The following POLG variants were observed in gnomAD, a reference collection of about 807,000 sequenced individuals.
The protein encoded by POLG is DNA polymerase gamma, catalytic subunit.
POLG carries 110 observed loss-of-function variants against 155.4 expected under a neutral mutation model. The ratio of observed to expected loss-of-function variants is 0.71; its 90% CI spans 0.61 to 0.83. The LOEUF (loss-of-function observed/expected upper bound fraction) is 0.83, where lower values mean the gene tolerates loss of function less well. Ranked by LOEUF, POLG falls within the 40% of genes least tolerant of loss-of-function variation. The probability of loss-of-function intolerance (pLI) is 0.00; values close to 1 mark genes in which losing one functional copy is unlikely to be tolerated. For missense variants in POLG, 1,685 were observed against 1,627.5 expected (o/e 1.04, Z -0.61); for synonymous variants, 701 against 631.5 (o/e 1.11, Z -1.65).
chr15:89,333,858 C>A lies in POLG; in HGVS notation c.-104G>T. ...AGACGTGGAGAGAGACACGTCCTGT[C>A]TCTGCTCTCCTGTCAGTGAAATGGG... On this transcript the variant is annotated 5_prime_UTR_variant, in exon 2 of 23. Transcript: ENST00000268124. 1 of 1,337,520 alleles carries A rather than the reference C, an allele frequency of 7.5e-7. No individual in the cohort carries two copies. Among genetic ancestry groups the A allele is most frequent in the South Asian group, 1.3e-5 (1 of 78,994 alleles). The allele number at this position is 1,337,520 out of a possible 1,614,324, so 82.9% of individuals were successfully genotyped here.
chr15:89,332,983 G>A (rs2055614021), intron 2 of POLG, 113 bp downstream of exon 2: 8 of 1,377,700 alleles, frequency 5.8e-6, no homozygotes, highest in East Asian at 2.5e-5. Flanking sequence ...ACACATCAGC[G>A]CTCCCTACGT....
chr15:89,328,993 G>A lies in POLG; in HGVS notation c.973C>T (p.Pro325Ser), dbSNP rs2152068126. The A allele has an allele frequency of 6.2e-7, 1 of 1,613,718 alleles. No homozygotes were observed. The highest frequency in any genetic ancestry group is 8.5e-7 in the Non-Finnish European group (1 of 1,180,038). ...TGGGACTTCTGGCCTTGCTTTGTGG[G>A]GGGCTGGACCTTGTGTTTGCCCTGC... is the stretch of plus-strand genomic sequence containing the variant. Reference protein sequence around the residue: ...AKQGKHKVQPPTKQGQKSQRK... With the variant: ...AKQGKHKVQPSTKQGQKSQRK... Residue 325 changes from proline to serine, a missense_variant, in exon 4 of 23, where the codon CCC becomes TCC. Physicochemically the swap from Pro to Ser is moderately conservative, Grantham distance 74. Transcript: ENST00000268124.
At chr15:89,327,388 A>G (rs2055537216) in intron 6 of POLG, 39 bp from the exon 7 acceptor site, 1 of 1,596,850 alleles carries the variant, frequency 6.3e-7, no homozygotes, top group Admixed American at 1.7e-5. Flanking sequence ...AAATGACCAC[A>G]GGAGGCAAGA....
At chr15:89,322,165 G>T in intron 14 of POLG, 150 bp from the exon 15 acceptor site, 1 of 787,690 alleles carries the variant, frequency 1.3e-6, no homozygotes, top group Non-Finnish European at 2.2e-6. Flanking sequence ...CCCTGGCTCA[G>T]CCAAGAACTG....
chr15:89,324,893 A>G (rs1236744602), intron 10 of POLG, among the ~76,000 whole-genome samples: 1 of 152,178 alleles, frequency 6.6e-6, no homozygotes, highest in East Asian at 1.9e-4. Context: ...AGCCCTCCGC[A>G]TGTTCCTGTG....
Position 89,316,322 on chromosome 15 carries a change from T to C in POLG, c.*429A>G. The C allele has an allele frequency of 6.9e-7, 1 of 1,454,236 alleles. No homozygotes were observed. The highest frequency in any genetic ancestry group is 1.4e-5 in the African/African-American group (1 of 71,184). 90.1% of individuals were successfully genotyped at this position (1,454,236 alleles called of 1,614,324 possible). ...GGCTTTGATGAGAAGATAGAGTCTT[T>C]TTTTTCCTTCTTTTTATTTCCACTG... is the stretch of plus-strand genomic sequence containing the variant. On this transcript the variant is annotated 3_prime_UTR_variant, in exon 23 of 23. Coordinates refer to ENST00000268124, the MANE Select transcript of POLG (RefSeq NM_002693.3).
intron 21 of POLG, chr15:89,318,010 A>C (rs1211955464): frequency 2.0e-5 from 6 of 298,292 alleles, no homozygotes. Context: ...GGTAATATTT[A>C]ATTCATCCAT....
chr15:89,321,762 T>G lies in POLG; in HGVS notation c.2572A>C (p.Thr858Pro). 6.2e-7 allele frequency: 1 copy of G among 1,613,780 alleles called. No individual in the cohort carries two copies. The change falls in exon 16 of 23, where the codon ACA (threonine) becomes CCA (proline). Residue 858 changes from threonine to proline, a missense_variant. Physicochemically the swap from Thr to Pro is conservative, Grantham distance 38. Coordinates refer to ENST00000268124, the MANE Select transcript of POLG (RefSeq NM_002693.3). The part of the protein sequence containing the change: ...GTITRRAVEP[T>P]WLTASNARPD... The stretch of plus-strand genomic sequence containing the variant: ...CGGGCATTGCTGGCGGTGAGCCATG[T>G]GGGCTCCACAGCCCGGCGAGTGATG...
At position 89,325,565 on chromosome 15, in the gene POLG, G is replaced by C; in HGVS notation, c.1834C>G (p.Leu612Val). Residue 612 changes from leucine to valine, a missense_variant, in exon 10 of 23, where the codon CTG (leucine) becomes GTG (valine). By Grantham distance (32) the Leu-to-Val change is conservative. Coordinates refer to ENST00000268124, the MANE Select transcript of POLG (RefSeq NM_002693.3). ...LMALTWDGFP[L>V]HYSERHGWGY... ...CAGCCATGACGCTCTGAGTAGTGCA[G>C]AGGGAAGCCATCCCAGGTAAGTGCC... The C allele has an allele frequency of 4.3e-6, 7 of 1,613,752 alleles. No homozygotes were observed. The highest frequency in any genetic ancestry group is 5.1e-6 in the Non-Finnish European group (6 of 1,180,002).
Position 89,326,616 on chromosome 15 carries a change from G to T in POLG, c.1708C>A (p.Pro570Thr). 6.2e-7 allele frequency: 1 copy of T among 1,613,720 alleles called. No homozygotes were observed. The highest frequency in any genetic ancestry group is 8.5e-7 in the Non-Finnish European group (1 of 1,179,996). ...PKRPQHLPGH[P>T]GWYRKLCPRL... ...CTGGGGGTGGGCAGGGCTCACCCAG[G>T]GTGTCCAGGAAGGTGCTGGGGCCGC... Residue 570 changes from proline to threonine, a missense_variant, in exon 9 of 23, where the codon CCT becomes ACT. Pro to Thr is a conservative substitution (Grantham distance 38). Around this residue, in one of 3 missense-constraint regions of POLG, gnomAD observed 1,210 missense variants for 1,167.1 expected, o/e 1.04. Transcript: ENST00000268124.
In POLG at chr15:89,328,981, C is replaced by G; in HGVS notation, c.985G>C (p.Gly329Arg). The G allele has an allele frequency of 6.2e-7, 1 of 1,613,868 alleles. No individual in the cohort carries two copies. Among genetic ancestry groups the G allele is most frequent in the Non-Finnish European group, 8.5e-7 (1 of 1,180,036 alleles). ...KHKVQPPTKQ[G>R]QKSQRKARRG... ...CTGGCTTTCCTCTGGGACTTCTGGCCTTGCTTTGTGGGGGGCTGGACCTTG... is the reference window on the plus strand; with the variant it reads ...CTGGCTTTCCTCTGGGACTTCTGGCGTTGCTTTGTGGGGGGCTGGACCTTG... Residue 329 changes from glycine (G) to arginine (R), a missense_variant, in exon 4 of 23, where the codon GGC (glycine) becomes CGC (arginine). This residue lies in a region of POLG where 1,210 missense variants were observed against 1,167.1 expected (regional missense o/e 1.04). Coordinates refer to ENST00000268124, the MANE Select transcript of POLG (RefSeq NM_002693.3).
chr15:89,325,101 A>AGAGAGTGAGTGAGTGAGTGAGT (rs2055467751), intron 10 of POLG, among the ~76,000 whole-genome samples: 1 of 71,082 alleles, frequency 1.4e-5, no homozygotes, highest in African/African-American at 1.3e-4. Flanking sequence ...AGTGAGTGAG[A>AGAGAGTGAGTGAGTGAGTGAGT]GAGTGAGAGA....
In POLG at chr15:89,325,161, AGT is replaced by A. The variant is rs373048582; in HGVS notation, c.1949+287_1949+288del. On this transcript the variant is annotated intron_variant, in intron 10 of 22. Transcript: ENST00000268124. ...GAGTGAGAGAGTGAGTGAGTGAGTGAGTGAGTGAGAGAGTGAGAGAGTGAGTG... is the reference window on the plus strand; with the variant it reads ...GAGTGAGAGAGTGAGTGAGTGAGTGAGAGTGAGAGAGTGAGAGAGTGAGTG... Among the ~76,000 whole-genome samples the A allele has an allele frequency of 2.2e-4, 22 of 98,536 alleles. 4 individuals are homozygous for A. The highest frequency in any genetic ancestry group is 1.3e-3 in the East Asian group (4 of 3,110). The allele number at this position is 98,536 out of a possible 152,430, so 64.6% of individuals were successfully genotyped here. A position where few individuals can be genotyped will look rare whatever the true frequency, so the allele number is the denominator to read the frequency against.
In POLG at chr15:89,316,474, TTAA is replaced by T. The variant is rs760359685; in HGVS notation, c.*274_*276del. The T allele has an allele frequency of 1.2e-6, 2 of 1,603,692 alleles. No individual in the cohort carries two copies. The highest frequency in any genetic ancestry group is 2.2e-5 in the South Asian group (2 of 89,520). On this transcript the variant is annotated 3_prime_UTR_variant, in exon 23 of 23. Coordinates refer to ENST00000268124, the MANE Select transcript of POLG (RefSeq NM_002693.3). ...GGAAAAAATAAATGAAATGCCTGAG[TTAA>T]TGTGAACTTTGGGGCTTCTGCTTCA...
rs756284239 is a variant in POLG at position 89,324,233 on chromosome 15, C to T, written c.1950-6G>A. The T allele has an allele frequency of 2.5e-6, 4 of 1,611,846 alleles. No homozygotes were observed. The African/African-American group carries it at 4.0e-5, about 16-fold the overall frequency. On this transcript the variant is annotated splice_polypyrimidine_tract_variant and splice_region_variant and intron_variant, in intron 10 of 22. Transcript: ENST00000268124. ...TGTACAGGGACTCGATGGCTCTGGG[C>T]AGAGAACAGTAGCAGCAGCAGCCGC...
chr15:89,319,525 T>A, intron 18 of POLG, 175 bp from the exon 19 acceptor site: 2 of 837,984 alleles, frequency 2.4e-6, no homozygotes, highest in Non-Finnish European at 3.8e-6. Context: ...GTGCCTTGCC[T>A]AGGATCATGG....
At chr15:89,317,636 C>G in intron 21 of POLG, 100 bp from the exon 22 acceptor site, 1 of 1,125,544 alleles carries the variant, frequency 8.9e-7, no homozygotes, top group Non-Finnish European at 1.3e-6. Flanking sequence ...CAGGGCTTCC[C>G]CTGGACCAAC....
chr15:89,318,561 C>G lies in POLG; in HGVS notation c.3462G>C (p.Gln1154His). 6.2e-7 allele frequency: 1 copy of G among 1,613,624 alleles called. No homozygotes were observed. The highest frequency in any genetic ancestry group is 8.5e-7 in the Non-Finnish European group (1 of 1,180,022). Residue 1154 changes from glutamine (Q) to histidine (H), a missense_variant, in exon 21 of 23, where the codon CAG (glutamine) becomes CAC (histidine). Gln to His is a conservative substitution (Grantham distance 24). Coordinates refer to ENST00000268124, the MANE Select transcript of POLG (RefSeq NM_002693.3). ...EDRYRAALAL[Q>H]ITNLLTRCMF... The stretch of plus-strand genomic sequence containing the variant: ...CATACCTGGTCAAGAGGTTGGTGAT[C>G]TGCAAGGCCAGGGCAGCGCGGTAGC...
chr15:89,328,933 G>A lies in POLG; in HGVS notation c.1023+10C>T, dbSNP rs777477062. 6.2e-7 allele frequency: 1 copy of A among 1,614,132 alleles called. No individual in the cohort carries two copies. Among genetic ancestry groups the A allele is most frequent in the Non-Finnish European group, 8.5e-7 (1 of 1,180,030 alleles). On this transcript the variant is annotated intron_variant, in intron 4 of 22. Coordinates refer to ENST00000268124, the MANE Select transcript of POLG (RefSeq NM_002693.3). Reference sequence around the variant, plus strand: ...CACTATGCTCCTGCCCACCGGCAGTGTGCTCTCACCGCTGGGCCTCTTCTG... The same window carrying A: ...CACTATGCTCCTGCCCACCGGCAGTATGCTCTCACCGCTGGGCCTCTTCTG...
Sources: gnomAD v4.1 joint callset for allele counts (sites outside exome capture counted in the v4.1 genomes callset) on GRCh38, gnomAD v4.1.1 for gene constraint, gnomAD v4.1.1 regional missense constraint, MANE v1.5 for transcripts, NCBI Gene and HGNC (gene_info 2026-07-23, HGNC 2026-07-21) for gene names.